The following DNAH5 variants were observed in gnomAD, a reference collection of about 807,000 sequenced individuals.
DNAH5 encodes the protein dynein axonemal heavy chain 5.
Under a neutral mutation model 518.2 loss-of-function variants are expected in DNAH5, and 372 were observed. That is an observed-to-expected ratio of 0.72 (90% CI 0.66 to 0.78). DNAH5 has a LOEUF of 0.78. Among genes scored for constraint, DNAH5 ranks in the 30% least tolerant of loss-of-function variants. The pLI, the probability that DNAH5 is intolerant of heterozygous loss-of-function variation, is 0.00. For missense variants in DNAH5, 5,523 were observed against 5,687.0 expected (o/e 0.97, Z 0.93); for synonymous variants, 2,039 against 2,025.9 (o/e 1.01, Z -0.17).
rs557972279 is a variant in DNAH5, at chr5:13,769,287, G to A, written c.9721-151C>T. 4.5e-5 allele frequency: 41 copies of A among 914,682 alleles called. 1 individual carries two copies. Among genetic ancestry groups the A allele is most frequent in the South Asian group, 1.5e-4 (10 of 65,426 alleles). 56.7% of individuals were successfully genotyped at this position (914,682 alleles called of 1,614,324 possible). ...TTTTGAGATGGAGTCTCGCTCTGTC[G>A]CCCAGGCTGGAGTGCAGTAGCGCGA... is the stretch of plus-strand genomic sequence containing the variant. On this transcript the variant is annotated intron_variant, in intron 57 of 78. Coordinates refer to ENST00000265104, the MANE Select transcript of DNAH5 (RefSeq NM_001369.3).
chr5:13,940,001 C>G (rs1245600808), intron 1 of DNAH5, among the ~76,000 whole-genome samples: 1 of 152,128 alleles, frequency 6.6e-6, no homozygotes, highest in Non-Finnish European at 1.5e-5. Flanking sequence ...ACTTTGGCAT[C>G]CTGTCTATTT....
At chr5:13,844,133 G>A (rs1203636119) in intron 32 of DNAH5, among the ~76,000 whole-genome samples, 2 of 152,180 alleles carry the variant, frequency 1.3e-5, no homozygotes, top group African/African-American at 4.8e-5. Flanking sequence ...CACAGCACAA[G>A]TTCATGGAAG....
At chr5:13,884,475 T>C (rs562710330) in intron 19 of DNAH5, among the ~76,000 whole-genome samples, 3 of 152,338 alleles carry the variant, frequency 2.0e-5, no homozygotes, top group Admixed American at 1.3e-4. Context: ...AGTAATAGTA[T>C]CTACTTAATA....
intron 22 of DNAH5, among the ~76,000 whole-genome samples, chr5:13,875,418 G>A (rs1314235947): frequency 3.1e-5 from 4 of 130,110 alleles, no homozygotes; most frequent in Non-Finnish European, 6.1e-5. Flanking sequence ...AGTGAGCCAA[G>A]ATTGCACCAT....
At chr5:13,739,259 C>T (rs1291173820) in intron 65 of DNAH5, among the ~76,000 whole-genome samples, 1 of 152,190 alleles carries the variant, frequency 6.6e-6, no homozygotes, top group Non-Finnish European at 1.5e-5. Context: ...TCAAGGGTGG[C>T]ACCAGGTAAA....
chr5:13,838,012 TA>T (rs1050403447), intron 35 of DNAH5, among the ~76,000 whole-genome samples: 1 of 152,172 alleles, frequency 6.6e-6, no homozygotes, highest in Non-Finnish European at 1.5e-5. Context: ...TCCATTTTTT[TA>T]ATGAACATTA....
intron 38 of DNAH5, among the ~76,000 whole-genome samples, chr5:13,825,707 G>A (rs1340482124): frequency 6.6e-6 from 1 of 152,154 alleles, no homozygotes; most frequent in Non-Finnish European, 1.5e-5. Context: ...GGAGCTAAGG[G>A]AAGAGAAAAA....
Position 13,867,930 on chromosome 5 carries a change from A to G in DNAH5, c.3897T>C (p.Val1299=), listed in dbSNP as rs749416187. 28 of 1,614,116 alleles carry G rather than the reference A, an allele frequency of 1.7e-5. No homozygotes were observed. In the Middle Eastern group the frequency reaches 6.6e-4, roughly 38 times the overall value. The stretch of plus-strand genomic sequence containing the variant: ...TCTCCCAAGCATAGTGCAGTGTATC[A>G]ACTTTGTCTATCTCTTCCCTTGCTA... ...LLIAREEIDK[V]DTLHYAWEKL... The change falls in exon 25 of 79, where the codon GTT becomes GTC. Residue 1299 remains valine (V), a synonymous_variant. Transcript: ENST00000265104.
chr5:13,889,042 A>G lies in DNAH5; in HGVS notation c.2577+1934T>C, dbSNP rs369119233. 3.3e-5 allele frequency among the ~76,000 whole-genome samples: 5 copies of G among 152,342 alleles called. No individual in the cohort carries two copies. The East Asian group carries it at 9.6e-4, about 29-fold the overall frequency. On this transcript the variant is annotated intron_variant, in intron 17 of 78. Coordinates refer to ENST00000265104, the MANE Select transcript of DNAH5 (RefSeq NM_001369.3). ...GTGACGAAATGTTAACTGGGAGAAA[A>G]AAGTACTATTCAAAACCTGATATAT...
chr5:13,756,020 G>A (rs2134257), intron 61 of DNAH5, among the ~76,000 whole-genome samples: 56,598 of 152,076 alleles, frequency 0.37, 10,857 homozygotes, highest in South Asian at 0.47. Context: ...GGGAGCACAC[G>A]GGACTTACTG....
chr5:13,776,852 C>G, intron 54 of DNAH5, 146 bp from the exon 55 acceptor site: 1 of 899,836 alleles, frequency 1.1e-6, no homozygotes, highest in East Asian at 2.6e-5. Flanking sequence ...ATGAAATACA[C>G]TACGTTTTAA....
At chr5:13,694,116 T>G (rs1011352241) in intron 78 of DNAH5, among the ~76,000 whole-genome samples, 1 of 152,188 alleles carries the variant, frequency 6.6e-6, no homozygotes, top group African/African-American at 2.4e-5. Context: ...CTTTGGTGCC[T>G]TACATCTGAA....
intron 15 of DNAH5, among the ~76,000 whole-genome samples, chr5:13,897,358 G>A (rs920356427): frequency 2.0e-5 from 3 of 151,966 alleles, no homozygotes; most frequent in African/African-American, 7.3e-5. Flanking sequence ...CTTCTAGCAG[G>A]CATTCTACTT....
At chr5:13,785,855 C>T (rs1755905592) in intron 52 of DNAH5, among the ~76,000 whole-genome samples, 1 of 152,114 alleles carries the variant, frequency 6.6e-6, no homozygotes, top group South Asian at 2.1e-4. Context: ...TTGCATGATA[C>T]AAAAAGATGT....
At chr5:13,763,312 G>A (rs1485241657) in intron 59 of DNAH5, among the ~76,000 whole-genome samples, 1 of 152,196 alleles carries the variant, frequency 6.6e-6, no homozygotes, top group Non-Finnish European at 1.5e-5. Flanking sequence ...TATTCAGTCT[G>A]AGGATATACA....
intron 65 of DNAH5, among the ~76,000 whole-genome samples, chr5:13,741,401 G>C (rs1428855802): frequency 5.3e-5 from 8 of 152,012 alleles, no homozygotes; most frequent in African/African-American, 1.9e-4. Context: ...TTAAGATGTA[G>C]CAACTCAAGC....
chr5:13,727,380 G>C, intron 70 of DNAH5, 127 bp downstream of exon 70: 1 of 905,634 alleles, frequency 1.1e-6, no homozygotes, highest in Non-Finnish European at 1.7e-6. Context: ...CATATTGCTA[G>C]AAAATCACAC....
In DNAH5 at chr5:13,839,350, C is replaced by T. The variant is rs377640010; in HGVS notation, c.5882+6G>A. 470 of 1,613,764 alleles carry T rather than the reference C, an allele frequency of 2.9e-4. 2 individuals are homozygous for T. In the African/African-American group the frequency reaches 5.2e-3, roughly 18 times the overall value. On this transcript the variant is annotated splice_donor_region_variant and intron_variant, in intron 35 of 78. Coordinates refer to ENST00000265104, the MANE Select transcript of DNAH5 (RefSeq NM_001369.3). ...TGGTGGGGGTTGGGGAGAAGGGTTC[C>T]ATCACCTGTCTGTAAGTGGAGTTAT...
intron 76 of DNAH5, among the ~76,000 whole-genome samples, chr5:13,702,219 T>C (rs1168018085): frequency 6.6e-6 from 1 of 152,256 alleles, no homozygotes; most frequent in Non-Finnish European, 1.5e-5. Flanking sequence ...GTAATTGCAA[T>C]ATTTTATGTA....
Sources: allele counts gnomAD v4.1 joint callset (sites outside exome capture counted in the v4.1 genomes callset), GRCh38; gene constraint gnomAD v4.1.1; transcripts MANE v1.5; gene names NCBI Gene and HGNC (gene_info 2026-07-23, HGNC 2026-07-21).